Variants in FBXL7 observed in about 807,000 individuals in gnomAD.
FBXL7 encodes the protein F-box and leucine rich repeat protein 7.
In FBXL7, 12 loss-of-function variants were observed where a neutral mutation model predicts 38.3. The observed-to-expected ratio is 0.31, with a 90% CI of 0.20 to 0.51. The LOEUF (loss-of-function observed/expected upper bound fraction) is 0.51. Among genes scored for constraint, FBXL7 ranks in the 20% least tolerant of loss-of-function variants. The pLI is 0.98. For missense variants in FBXL7, 567 were observed against 676.4 expected, an observed-to-expected ratio of 0.84 and a Z score of 1.79; for synonymous variants, 297 against 300.9, an observed-to-expected ratio of 0.99 and a Z score of 0.13.
chr5:15,511,007 C>T (rs937372309), intron 1 of FBXL7, among the ~76,000 whole-genome samples: 1 of 152,192 alleles, frequency 6.6e-6, no homozygotes, highest in South Asian at 2.1e-4. Context: ...GACCATGCCC[C>T]TCCTCACCCT....
At chr5:15,569,069 G>T (rs1487237387) in intron 1 of FBXL7, among the ~76,000 whole-genome samples, 1 of 152,178 alleles carries the variant, frequency 6.6e-6, no homozygotes, top group Admixed American at 6.5e-5. Context: ...ACTTGGCAAT[G>T]CAGGCTCTTT....
chr5:15,787,200 G>A (rs373477230), intron 2 of FBXL7, among the ~76,000 whole-genome samples: 4 of 152,266 alleles, frequency 2.6e-5, no homozygotes, highest in East Asian at 1.9e-4. Context: ...CACCAAGCTC[G>A]ATATAATTTG....
At chr5:15,887,493 G>A (rs934317013) in intron 2 of FBXL7, among the ~76,000 whole-genome samples, 1 of 152,224 alleles carries the variant, frequency 6.6e-6, no homozygotes, top group African/African-American at 2.4e-5. Flanking sequence ...TGGGATTTAA[G>A]TCTGAGAAAG....
At chr5:15,766,354 T>C (rs1182455418) in intron 2 of FBXL7, among the ~76,000 whole-genome samples, 3 of 152,208 alleles carry the variant, frequency 2.0e-5, no homozygotes, top group African/African-American at 7.2e-5. Flanking sequence ...ACCTGCGCAC[T>C]GAGAGACTTG....
chr5:15,625,472 G>A (rs1350169103), intron 2 of FBXL7, among the ~76,000 whole-genome samples: 1 of 152,088 alleles, frequency 6.6e-6, no homozygotes, highest in Non-Finnish European at 1.5e-5. Flanking sequence ...GGCCAATATG[G>A]TGAAACCCCG....
chr5:15,557,000 C>T (rs527508416), intron 1 of FBXL7, among the ~76,000 whole-genome samples: 13 of 152,128 alleles, frequency 8.5e-5, no homozygotes, highest in Non-Finnish European at 1.8e-4. Flanking sequence ...TGCGGTGGCG[C>T]GATCTCGGCT....
intron 2 of FBXL7, among the ~76,000 whole-genome samples, chr5:15,871,015 G>A (rs981750556): frequency 6.6e-6 from 1 of 152,194 alleles, no homozygotes; most frequent in Non-Finnish European, 1.5e-5. Context: ...CTCCTGATGG[G>A]GAGACATCTC....
chr5:15,824,083 G>T (rs1397902365), intron 2 of FBXL7, among the ~76,000 whole-genome samples: 2 of 151,760 alleles, frequency 1.3e-5, no homozygotes, highest in African/African-American at 4.8e-5. Context: ...TTCGAGACCA[G>T]CCTGACCAAC....
In FBXL7 at chr5:15,641,941, TTGTGTGTGTGTG is replaced by T. The variant is rs199980981; in HGVS notation, c.127+25903_127+25914del. On this transcript the variant is annotated intron_variant, in intron 2 of 3. Coordinates refer to ENST00000504595, the MANE Select transcript of FBXL7 (RefSeq NM_012304.5). ...GTATATGGTAACTTAACATAAAACC[TTGTGTGTGTGTG>T]TGTGTGTGTGTGTGTGTGTGTGTGT... Among the ~76,000 whole-genome samples, 182 of 141,612 alleles carry T rather than the reference TTGTGTGTGTGTG, an allele frequency of 1.3e-3. 2 individuals are homozygous for T. The highest frequency in any genetic ancestry group is 4.7e-3 in the East Asian group (23 of 4,846). 92.9% of individuals were successfully genotyped at this position (141,612 alleles called of 152,430 possible). A position where few individuals can be genotyped will look rare whatever the true frequency, so the allele number is the denominator to read the frequency against.
In FBXL7 at chr5:15,936,799, C is replaced by A. The variant is rs769421725; in HGVS notation, c.1089C>A (p.Val363=). The A allele has an allele frequency of 2.5e-5, 40 of 1,612,494 alleles. No individual in the cohort carries two copies. The highest frequency in any genetic ancestry group is 3.3e-5 in the Non-Finnish European group (39 of 1,179,508). ...TGAGCATCGCGCACTGCGGCCGGGTCACCGACGTGGGCATCCGCTACGTGG... is the reference window on the plus strand; with the variant it reads ...TGAGCATCGCGCACTGCGGCCGGGTAACCGACGTGGGCATCCGCTACGTGG... ...RYLSIAHCGR[V]TDVGIRYVAK... Residue 363 remains valine (V), a synonymous_variant, in exon 4 of 4, where the codon GTC becomes GTA. Transcript: ENST00000504595. The surrounding 1 kb of genome is among the most constrained non-coding windows in gnomAD (Gnocchi z 6.0).
intron 2 of FBXL7, among the ~76,000 whole-genome samples, chr5:15,700,582 C>CT (rs1409622985): frequency 1.3e-5 from 2 of 152,190 alleles, no homozygotes; most frequent in Non-Finnish European, 2.9e-5. Flanking sequence ...CTCTTTAGCC[C>CT]TTTCCTCAGC....
chr5:15,935,015 A>G lies in FBXL7; in HGVS notation c.740-1435A>G, dbSNP rs188828347. 7.6e-4 allele frequency among the ~76,000 whole-genome samples: 116 copies of G among 152,234 alleles called. 1 individual carries two copies. The highest frequency in any genetic ancestry group is 2.6e-3 in the African/African-American group (106 of 41,522). ...TTTATACAAGCATGGTTGGGGACAA[A>G]TTTTTCTATAAACAGATTGGCTCTG... On this transcript the variant is annotated intron_variant, in intron 3 of 3. Coordinates refer to ENST00000504595, the MANE Select transcript of FBXL7 (RefSeq NM_012304.5).
chr5:15,529,092 C>T (rs1466056538), intron 1 of FBXL7, among the ~76,000 whole-genome samples: 1 of 152,164 alleles, frequency 6.6e-6, no homozygotes, highest in Admixed American at 6.5e-5. Context: ...ACCCCCGGCA[C>T]CTGGTAGCCA....
intron 1 of FBXL7, among the ~76,000 whole-genome samples, chr5:15,537,122 T>C (rs1008207944): frequency 6.6e-6 from 1 of 152,222 alleles, no homozygotes; most frequent in Non-Finnish European, 1.5e-5. Context: ...TTCGCAGCCA[T>C]GTGGAACTAT....
chr5:15,772,078 C>G (rs1723271873), intron 2 of FBXL7, among the ~76,000 whole-genome samples: 1 of 151,994 alleles, frequency 6.6e-6, no homozygotes, highest in African/African-American at 2.4e-5. Flanking sequence ...GAAGGATTAA[C>G]TGACTTTTAA....
At chr5:15,741,929 G>A (rs781660793) in intron 2 of FBXL7, among the ~76,000 whole-genome samples, 6 of 152,134 alleles carry the variant, frequency 3.9e-5, no homozygotes, top group East Asian at 3.9e-4. Flanking sequence ...CCCTGGCCTC[G>A]GGTGGTTACT....
intron 2 of FBXL7, among the ~76,000 whole-genome samples, chr5:15,811,073 G>GT (rs1342287294): frequency 6.6e-6 from 1 of 152,118 alleles, no homozygotes; most frequent in African/African-American, 2.4e-5. Flanking sequence ...GAGCTTTACA[G>GT]TTACTAACCA....
At chr5:15,639,662 A>G (rs1409583378) in intron 2 of FBXL7, among the ~76,000 whole-genome samples, 1 of 152,078 alleles carries the variant, frequency 6.6e-6, no homozygotes, top group African/African-American at 2.4e-5. Flanking sequence ...TTCTCATTTG[A>G]GAAAATGGAG....
At chr5:15,736,949 T>C (rs1389666794) in intron 2 of FBXL7, among the ~76,000 whole-genome samples, 22 of 152,146 alleles carry the variant, frequency 1.4e-4, no homozygotes, top group Admixed American at 1.4e-3. Flanking sequence ...CCAGAAACCA[T>C]CTTCTGTGCC....
Sources: gnomAD v4.1 joint callset for allele counts (sites outside exome capture counted in the v4.1 genomes callset) on GRCh38, gnomAD v4.1.1 for gene constraint, Gnocchi (gnomAD v3.1) non-coding constraint, MANE v1.5 for transcripts, NCBI Gene and HGNC (gene_info 2026-07-23, HGNC 2026-07-21) for gene names.